CASR: variants seen among roughly 807,000 people sequenced by gnomAD.
CASR encodes extracellular calcium-sensing receptor.
CASR carries 23 observed loss-of-function variants against 69.1 expected under a neutral mutation model. The ratio of observed to expected loss-of-function variants is 0.33; its 90% CI spans 0.24 to 0.47. The LOEUF (loss-of-function observed/expected upper bound fraction) is 0.47, where lower values mean the gene tolerates loss of function less well. Ranked by LOEUF, CASR falls within the 20% of genes least tolerant of loss-of-function variation. The pLI, the probability that CASR is intolerant of heterozygous loss-of-function variation, is 1.00. For missense variants in CASR, 924 were observed against 1,356.1 expected (o/e 0.68, Z 5.00); for synonymous variants, 541 against 544.7 (o/e 0.99, Z 0.10).
intron 1 of CASR, among the ~76,000 whole-genome samples, chr3:122,231,599 T>A (rs2074278732): frequency 6.6e-6 from 1 of 152,222 alleles, no homozygotes; most frequent in South Asian, 2.1e-4. Flanking sequence ...ATTCTTTCTC[T>A]ATCTCTCTGT....
chr3:122,265,123 CT>C (rs1350285415), intron 4 of CASR, among the ~76,000 whole-genome samples: 1 of 152,208 alleles, frequency 6.6e-6, no homozygotes, highest in Non-Finnish European at 1.5e-5. Flanking sequence ...CCACTTTCCC[CT>C]GGAAGTCTTT....
rs1426090148 is a variant in CASR at position 122,197,730 on chromosome 3, C to G, written c.-243+13918C>G. Among the ~76,000 whole-genome samples the G allele has an allele frequency of 2.0e-5, 3 of 152,208 alleles. No individual in the cohort carries two copies. In the East Asian group the frequency reaches 5.8e-4, roughly 29 times the overall value. ...TAAACTCATCACATCGCCTCCCCTT[C>G]TTTCAGGCTTCAAGATGTCCTTGCA... is the stretch of plus-strand genomic sequence containing the variant. On this transcript the variant is annotated intron_variant, in intron 1 of 6. Transcript: ENST00000639785.
At chr3:122,262,673 A>G (rs1032911971) in intron 4 of CASR, among the ~76,000 whole-genome samples, 1 of 152,240 alleles carries the variant, frequency 6.6e-6, no homozygotes, top group Non-Finnish European at 1.5e-5. Flanking sequence ...ATGGTCCCCA[A>G]AAGTTTTCAA....
At chr3:122,226,151 C>A (rs1040456779) in intron 1 of CASR, among the ~76,000 whole-genome samples, 2 of 152,126 alleles carry the variant, frequency 1.3e-5, no homozygotes, top group Admixed American at 1.3e-4. Flanking sequence ...AGCCACGGAC[C>A]CTCACGGTGA....
chr3:122,290,643 C>G lies in CASR; in HGVS notation c.*5452C>G, dbSNP rs1481366530. On this transcript the variant is annotated 3_prime_UTR_variant, in exon 7 of 7. Coordinates refer to ENST00000639785, the MANE Select transcript of CASR (RefSeq NM_000388.4). ...AAGAAAAGAATTTAAAATAAACATG[C>G]AACCAAATTTTAAACAGATAAGTAT... The G allele has an allele frequency of 6.6e-6, 1 of 151,840 alleles. No individual in the cohort carries two copies. The highest frequency in any genetic ancestry group is 1.5e-5 in the Non-Finnish European group (1 of 67,950). 9.4% of individuals were successfully genotyped at this position (151,840 alleles called of 1,614,324 possible). A position where few individuals can be genotyped will look rare whatever the true frequency, so the allele number is the denominator to read the frequency against.
chr3:122,257,529 A>G, intron 3 of CASR, 142 bp downstream of exon 3: 1 of 625,996 alleles, frequency 1.6e-6, no homozygotes, highest in Admixed American at 2.9e-5. Flanking sequence ...ATGCTGTATC[A>G]TGACCATTTG....
At chr3:122,282,788 A>G (rs1229945506) in intron 6 of CASR, among the ~76,000 whole-genome samples, 1 of 152,260 alleles carries the variant, frequency 6.6e-6, no homozygotes, top group African/African-American at 2.4e-5. Flanking sequence ...TATTAACTAT[A>G]GTTGATATTA....
chr3:122,260,499 CATCACCTAT>C (rs1445266539), intron 3 of CASR, among the ~76,000 whole-genome samples: 1 of 152,192 alleles, frequency 6.6e-6, no homozygotes, highest in East Asian at 1.9e-4. Context: ...CAGGCTCAGC[CATCACCTAT>C]AACTGAATAA....
chr3:122,260,687 A>C (rs1162513036), intron 3 of CASR, among the ~76,000 whole-genome samples: 6 of 53,248 alleles, frequency 1.1e-4, no homozygotes, highest in Non-Finnish European at 2.2e-4. Context: ...CTTAAAGTAT[A>C]ATAAAAAAAA....
chr3:122,285,148 G>A lies in CASR; in HGVS notation c.3194G>A (p.Ser1065Asn), dbSNP rs999978032. The A allele has an allele frequency of 1.2e-6, 2 of 1,614,222 alleles. No individual in the cohort carries two copies. The highest frequency in any genetic ancestry group is 1.7e-6 in the Non-Finnish European group (2 of 1,180,046). ...TCCAGTTCACAGAGCTTTGTCATCA[G>A]TGGTGGAGGCAGCACTGTTACAGAA... ...VVSSSQSFVI[S>N]GGGSTVTENV... Residue 1065 changes from serine (S) to asparagine (N), a missense_variant, in exon 7 of 7, where the codon AGT becomes AAT. Physicochemically the swap from Ser to Asn is conservative, Grantham distance 46. This residue lies in a region of CASR where 201 missense variants were observed against 228.8 expected (regional missense o/e 0.88). Coordinates refer to ENST00000639785, the MANE Select transcript of CASR (RefSeq NM_000388.4).
rs2074500611 is a variant in CASR, at chr3:122,252,409, A to AAAAGAAAGAAAGAGAAAGAAAGAAAG, written c.-242-1526_-242-1525insGAAAGAAAGAAAGAAAGAAAGAAAGA. Among the ~76,000 whole-genome samples the AAAAGAAAGAAAGAGAAAGAAAGAAAG allele has an allele frequency of 1.5e-3, 10 of 6,474 alleles. 1 individual carries two copies. The highest frequency in any genetic ancestry group is 9.7e-3 in the Admixed American group (4 of 412). The allele number at this position is 6,474 out of a possible 152,430, so 4.2% of individuals were successfully genotyped here. On this transcript the variant is annotated intron_variant, in intron 1 of 6. Transcript: ENST00000639785. ...AAGGAAGGAAGGAAGGAAGGAAGGA[A>AAAAGAAAGAAAGAGAAAGAAAGAAAG]AAAGAAAGAAAGAAAGAAAGAAAGA... is the stretch of plus-strand genomic sequence containing the variant.
At position 122,257,469 on chromosome 3, in the gene CASR, G is replaced by A. The variant is rs566339980; in HGVS notation, c.492+82G>A. 1.7e-5 allele frequency: 17 copies of A among 976,790 alleles called. No individual in the cohort carries two copies. In the East Asian group the frequency reaches 2.2e-4, roughly 12 times the overall value. 60.5% of individuals were successfully genotyped at this position (976,790 alleles called of 1,614,324 possible). A position where few individuals can be genotyped will look rare whatever the true frequency, so the allele number is the denominator to read the frequency against. The stretch of plus-strand genomic sequence containing the variant: ...GGGGTGCCATGCCCAATAGCCATAC[G>A]GTTTACCATATTCCCATCTCTGGCA... On this transcript the variant is annotated intron_variant, in intron 3 of 6. Coordinates refer to ENST00000639785, the MANE Select transcript of CASR (RefSeq NM_000388.4).
In CASR at chr3:122,262,241, C is replaced by T; in HGVS notation, c.1206C>T (p.Ser402=). 6.2e-7 allele frequency: 1 copy of T among 1,614,138 alleles called. No individual in the cohort carries two copies. The highest frequency in any genetic ancestry group is 8.5e-7 in the Non-Finnish European group (1 of 1,179,954). Residue 402 remains serine, a synonymous_variant, in exon 4 of 7, where the codon AGC becomes AGT. Transcript: ENST00000639785. The part of the protein sequence containing the change: ...RPLCTGDENI[S]SVETPYIDYT... ...TCTGTACAGGGGATGAGAACATCAG[C>T]AGTGTCGAGACCCCTTACATAGATT...
intron 1 of CASR, among the ~76,000 whole-genome samples, chr3:122,241,404 A>G (rs530399508): frequency 1.3e-5 from 2 of 152,140 alleles, no homozygotes; most frequent in Admixed American, 1.3e-4. Flanking sequence ...GTGAGCAAAT[A>G]TATGCCAATA....
chr3:122,201,019 T>TTTA (rs1323155788), intron 1 of CASR, among the ~76,000 whole-genome samples: 1 of 139,204 alleles, frequency 7.2e-6, no homozygotes, highest in African/African-American at 2.6e-5. Flanking sequence ...TTTTTTTTTT[T>TTTA]ATTGATCATT....
intron 1 of CASR, among the ~76,000 whole-genome samples, chr3:122,217,306 T>C (rs2074126703): frequency 6.6e-6 from 1 of 152,146 alleles, no homozygotes; most frequent in African/African-American, 2.4e-5. Context: ...CTTTCTTTGT[T>C]GCCCAGGCTG....
intron 4 of CASR, among the ~76,000 whole-genome samples, chr3:122,265,202 C>T (rs2074677756): frequency 6.6e-6 from 1 of 152,206 alleles, no homozygotes; most frequent in Non-Finnish European, 1.5e-5. Flanking sequence ...TTTATATACC[C>T]AGCTTAAGCT....
Position 122,204,243 on chromosome 3 carries a change from C to A in CASR, c.-243+20431C>A, listed in dbSNP as rs980960067. The stretch of plus-strand genomic sequence containing the variant: ...TACCCATTAATCAAGTTCTCTTCAT[C>A]CCCCAAGCCTCTGGTGACCACTAGT... On this transcript the variant is annotated intron_variant, in intron 1 of 6. Transcript: ENST00000639785. Among the ~76,000 whole-genome samples the A allele has an allele frequency of 3.5e-4, 53 of 152,230 alleles. 1 individual carries two copies. Among genetic ancestry groups the A allele is most frequent in the Admixed American group, 3.3e-4 (5 of 15,282 alleles).
At chr3:122,185,718 G>A (rs1461390733) in intron 1 of CASR, among the ~76,000 whole-genome samples, 1 of 152,118 alleles carries the variant, frequency 6.6e-6, no homozygotes, top group Non-Finnish European at 1.5e-5. Flanking sequence ...TCCCTAACTG[G>A]CATGCCTAGG....
Sources: gnomAD v4.1 joint callset for allele counts (sites outside exome capture counted in the v4.1 genomes callset) on GRCh38, gnomAD v4.1.1 for gene constraint, gnomAD v4.1.1 regional missense constraint, MANE v1.5 for transcripts, NCBI Gene and HGNC (gene_info 2026-07-23, HGNC 2026-07-21) for gene names.